Variants in SNX18 observed in about 807,000 individuals in gnomAD.
The protein encoded by SNX18 is sorting nexin-18.
In SNX18, 35 loss-of-function variants were observed where a neutral mutation model predicts 48.7. That is an observed-to-expected ratio of 0.72 (90% CI 0.55 to 0.95). The LOEUF is 0.95. Ranked by LOEUF, SNX18 falls within the 40% of genes least tolerant of loss-of-function variation. SNX18 has a pLI of 0.00. For missense variants in SNX18, 824 were observed against 871.0 expected (o/e 0.95, Z 0.68); for synonymous variants, 492 against 384.7 (o/e 1.28, Z -3.26).
chr5:54,548,775 G>C (rs892592255), downstream of SNX18, among the ~76,000 whole-genome samples: 2 of 152,162 alleles, frequency 1.3e-5, no homozygotes, highest in African/African-American at 4.8e-5. Flanking sequence ...CTTAACGTGA[G>C]TCAGTTTTCT....
chr5:54,538,368 G>A (rs1470107185), intron 1 of SNX18, among the ~76,000 whole-genome samples: 1 of 152,186 alleles, frequency 6.6e-6, no homozygotes, highest in Non-Finnish European at 1.5e-5. Flanking sequence ...GTGGTTCTGC[G>A]TGTTAGTCCC....
chr5:54,614,834 A>C, the SNX18 span, among the ~76,000 whole-genome samples: 2 of 152,182 alleles, frequency 1.3e-5, no homozygotes, highest in Admixed American at 1.3e-4. Flanking sequence ...AGACACTAAA[A>C]ATAAAATTAG....
chr5:54,633,550 A>G, the SNX18 span, among the ~76,000 whole-genome samples: 10 of 152,198 alleles, frequency 6.6e-5, no homozygotes, highest in Admixed American at 1.3e-4. Context: ...TAGCTGTAGG[A>G]CATTGGGCAA....
chr5:54,584,647 G>C, the SNX18 span, among the ~76,000 whole-genome samples: 1 of 152,200 alleles, frequency 6.6e-6, no homozygotes, highest in East Asian at 1.9e-4. Context: ...ACAACCATTT[G>C]TCTCTATCTT....
chr5:54,568,931 C>G, the SNX18 span, among the ~76,000 whole-genome samples: 1 of 147,770 alleles, frequency 6.8e-6, no homozygotes, highest in Non-Finnish European at 1.5e-5. Context: ...CAAGGTCCAC[C>G]TCCTGGGTTC....
chr5:54,618,304 T>C, the SNX18 span, among the ~76,000 whole-genome samples: 4 of 152,212 alleles, frequency 2.6e-5, no homozygotes, highest in African/African-American at 7.2e-5. Flanking sequence ...ACCTCTGTCT[T>C]TTACAAATGA....
the SNX18 span, chr5:54,645,325 CAAGGG>C: frequency 6.6e-6 from 1 of 152,220 alleles, no homozygotes; most frequent in East Asian, 1.9e-4. Flanking sequence ...CATGGTCTAA[CAAGGG>C]AGACATATAG....
intron 1 of SNX18, among the ~76,000 whole-genome samples, chr5:54,531,626 T>C (rs1762253626): frequency 6.6e-6 from 1 of 152,230 alleles, no homozygotes. Flanking sequence ...CTGTCTTTAG[T>C]TGGTTATTTA....
intron 1 of SNX18, among the ~76,000 whole-genome samples, chr5:54,526,947 A>G (rs1179609842): frequency 6.6e-6 from 1 of 151,996 alleles, no homozygotes; most frequent in Non-Finnish European, 1.5e-5. Flanking sequence ...GAGTCGTCCA[A>G]GCAGGTATCT....
chr5:54,518,310 C>G lies in SNX18; in HGVS notation c.358C>G (p.Gln120Glu), dbSNP rs1408371034. 6.5e-7 allele frequency: 1 copy of G among 1,533,246 alleles called. No individual in the cohort carries two copies. Among genetic ancestry groups the G allele is most frequent in the South Asian group, 1.2e-5 (1 of 82,518 alleles). The allele number at this position is 1,533,246 out of a possible 1,614,324, so 95.0% of individuals were successfully genotyped here. Residue 120 changes from glutamine (Q) to glutamate (E), a missense_variant, in exon 1 of 2, where the codon CAG becomes GAG. Physicochemically the swap from Gln to Glu is conservative, Grantham distance 29 (BLOSUM62 2). Around this residue, in one of 3 missense-constraint regions of SNX18, gnomAD observed 377 missense variants for 350.6 expected, o/e 1.08. Transcript: ENST00000381410. ...GCAGGCGCCGCCTCCGAGCACCTTCCAGCCGCCCGGCGCGGGCTTCCCGTA... is the reference window on the plus strand; with the variant it reads ...GCAGGCGCCGCCTCCGAGCACCTTCGAGCCGCCCGGCGCGGGCTTCCCGTA... Reference protein sequence around the residue: ...PQQAPPPSTFQPPGAGFPYGG... With the variant: ...PQQAPPPSTFEPPGAGFPYGG...
chr5:54,630,030 C>T, the SNX18 span, among the ~76,000 whole-genome samples: 9 of 152,262 alleles, frequency 5.9e-5, no homozygotes, highest in East Asian at 7.7e-4. Flanking sequence ...AGATGAGTGG[C>T]GGTGATGGGA....
chr5:54,628,724 A>G, the SNX18 span, among the ~76,000 whole-genome samples: 4 of 152,008 alleles, frequency 2.6e-5, no homozygotes, highest in Non-Finnish European at 5.9e-5. Context: ...ATCTCTCTTG[A>G]GCCCCTAGCT....
chr5:54,644,300 A>G, the SNX18 span: 1 of 152,224 alleles, frequency 6.6e-6, no homozygotes, highest in Non-Finnish European at 1.5e-5. Context: ...TTTAGTCAGT[A>G]AGTACAGTCA....
chr5:54,616,133 T>C, the SNX18 span, among the ~76,000 whole-genome samples: 1 of 152,212 alleles, frequency 6.6e-6, no homozygotes, highest in South Asian at 2.1e-4. Context: ...TTTTGCTTGC[T>C]CACTAACAAA....
the SNX18 span, among the ~76,000 whole-genome samples, chr5:54,577,285 G>T: frequency 1.3e-5 from 2 of 152,058 alleles, no homozygotes; most frequent in Non-Finnish European, 2.9e-5. Flanking sequence ...TGTCATAGGA[G>T]TATGGAGGAT....
chr5:54,552,562 A>G, the SNX18 span, among the ~76,000 whole-genome samples: 1 of 152,232 alleles, frequency 6.6e-6, no homozygotes, highest in African/African-American at 2.4e-5. Flanking sequence ...TGAGAAAGGT[A>G]GTCACCCCAG....
Position 54,518,771 on chromosome 5 carries a change from C to T in SNX18, c.819C>T (p.Pro273=), listed in dbSNP as rs201446924. The change falls in exon 1 of 2, where the codon CCC becomes CCT. Residue 273 remains proline (P), a synonymous_variant. Transcript: ENST00000381410. ...ATGGCCCCGAGTGGCAGGAGAACCC[C>T]TACCCGTTCCAGTGCACCATCGACG... ...GPYGPEWQEN[P]YPFQCTIDDP... 9 of 1,606,602 alleles carry T rather than the reference C, an allele frequency of 5.6e-6. No individual in the cohort carries two copies. In the Admixed American group the frequency reaches 6.8e-5, roughly 12 times the overall value.
chr5:54,618,956 G>A, the SNX18 span, among the ~76,000 whole-genome samples: 1 of 149,904 alleles, frequency 6.7e-6, no homozygotes, highest in Non-Finnish European at 1.5e-5. Flanking sequence ...GAAAAAAAAA[G>A]GAAACCTTTT....
downstream of SNX18, among the ~76,000 whole-genome samples, chr5:54,548,920 A>G (rs1762613454): frequency 6.6e-6 from 1 of 152,348 alleles, no homozygotes; most frequent in Non-Finnish European, 1.5e-5. Flanking sequence ...TAATATTTTC[A>G]TATAACCTAT....
Sources: gnomAD v4.1 joint callset for allele counts (sites outside exome capture counted in the v4.1 genomes callset) on GRCh38, gnomAD v4.1.1 for gene constraint, gnomAD v4.1.1 regional missense constraint, MANE v1.5 for transcripts, NCBI Gene and HGNC (gene_info 2026-07-23, HGNC 2026-07-21) for gene names.